Variants in IL15 observed in about 807,000 individuals in gnomAD.
The protein encoded by IL15 is interleukin-15.
In IL15, 11 loss-of-function variants were observed where a neutral mutation model predicts 19.6. The ratio of observed to expected loss-of-function variants is 0.56; its 90% CI spans 0.35 to 0.93. IL15 has a LOEUF of 0.93. Among genes scored for constraint, IL15 ranks in the 40% least tolerant of loss-of-function variants. IL15 has a pLI of 0.01. For missense variants in IL15, 197 were observed against 186.5 expected, an observed-to-expected ratio of 1.06 and a Z score of -0.33; for synonymous variants, 58 against 59.6, an observed-to-expected ratio of 0.97 and a Z score of 0.12.
At chr4:141,729,670 G>T (rs1730385182) in intron 6 of IL15, among the ~76,000 whole-genome samples, 177 bp from the exon 7 acceptor site, 1 of 151,448 alleles carries the variant, frequency 6.6e-6, no homozygotes, top group Non-Finnish European at 1.5e-5. Flanking sequence ...GGTTTGTTTT[G>T]GTTTTTATTT....
intron 2 of IL15, among the ~76,000 whole-genome samples, chr4:141,682,530 T>C (rs575094125): frequency 2.0e-5 from 3 of 152,308 alleles, no homozygotes; most frequent in Admixed American, 1.3e-4. Flanking sequence ...ATATATACAG[T>C]CACATTAAAA....
At chr4:141,724,991 T>C (rs1013505896) in intron 5 of IL15, among the ~76,000 whole-genome samples, 3 of 152,096 alleles carry the variant, frequency 2.0e-5, no homozygotes, top group African/African-American at 7.2e-5. Context: ...AAGATATTAC[T>C]AAAAAAGACA....
chr4:141,646,203 C>T (rs1727219495), intron 1 of IL15, among the ~76,000 whole-genome samples: 2 of 152,018 alleles, frequency 1.3e-5, no homozygotes, highest in Admixed American at 1.3e-4. Context: ...TGCTACTCCT[C>T]TATTCCAAAC....
intron 5 of IL15, among the ~76,000 whole-genome samples, chr4:141,725,015 C>T (rs527291228): frequency 1.3e-5 from 2 of 152,200 alleles, no homozygotes; most frequent in Admixed American, 1.3e-4. Flanking sequence ...ACAAAAATAT[C>T]TCCCATTAAC....
At chr4:141,695,038 T>A (rs1350461966) in intron 2 of IL15, among the ~76,000 whole-genome samples, 1 of 152,198 alleles carries the variant, frequency 6.6e-6, no homozygotes, top group Non-Finnish European at 1.5e-5. Flanking sequence ...CCCATGCTTG[T>A]CCACACAAAT....
At chr4:141,711,406 C>T (rs988077163) in intron 2 of IL15, among the ~76,000 whole-genome samples, 2 of 152,196 alleles carry the variant, frequency 1.3e-5, no homozygotes, top group Middle Eastern at 3.4e-3. Flanking sequence ...CAGTGACTGG[C>T]TGGGCCACCT....
At chr4:141,713,759 A>G (rs113876982) in intron 2 of IL15, among the ~76,000 whole-genome samples, 2 of 152,270 alleles carry the variant, frequency 1.3e-5, no homozygotes, top group African/African-American at 4.8e-5. Context: ...ACGTAACACT[A>G]CCTTTATGAA....
intron 5 of IL15, among the ~76,000 whole-genome samples, chr4:141,722,402 C>T (rs1250053343): frequency 6.6e-6 from 1 of 152,064 alleles, no homozygotes; most frequent in East Asian, 1.9e-4. Context: ...TGATTTTTGC[C>T]ATAGCAGGTA....
intron 2 of IL15, chr4:141,718,941 T>G (rs1410596637): frequency 6.6e-6 from 1 of 152,286 alleles, no homozygotes; most frequent in Non-Finnish European, 1.5e-5. Context: ...TAACAATGGT[T>G]TCTTTAAAAG....
At chr4:141,692,168 C>T (rs947749778) in intron 2 of IL15, among the ~76,000 whole-genome samples, 2 of 152,240 alleles carry the variant, frequency 1.3e-5, no homozygotes, top group African/African-American at 4.8e-5. Context: ...CTTTTAGCCA[C>T]AGCTGGAGCT....
intron 1 of IL15, among the ~76,000 whole-genome samples, chr4:141,639,833 G>C (rs1220365918): frequency 6.6e-6 from 1 of 152,152 alleles, no homozygotes; most frequent in Non-Finnish European, 1.5e-5. Context: ...ATAGGAATGG[G>C]TTGGATGGAA....
chr4:141,720,350 T>G (rs2857259), intron 3 of IL15, 119 bp from the exon 4 acceptor site: 2 of 613,464 alleles, frequency 3.3e-6, no homozygotes, highest in Non-Finnish European at 5.8e-6. Flanking sequence ...ATAAGGGGCA[T>G]TAATTATGAA....
chr4:141,687,865 A>G (rs926482011), intron 2 of IL15, among the ~76,000 whole-genome samples: 1 of 152,194 alleles, frequency 6.6e-6, no homozygotes, highest in African/African-American at 2.4e-5. Flanking sequence ...TTAAGATCTA[A>G]TCATATTGAG....
At chr4:141,652,988 A>G (rs983225279) in intron 1 of IL15, among the ~76,000 whole-genome samples, 1 of 152,128 alleles carries the variant, frequency 6.6e-6, no homozygotes, top group African/African-American at 2.4e-5. Flanking sequence ...ACAAATTCTC[A>G]TCTGGTATTT....
chr4:141,733,725 C>A lies in IL15; in HGVS notation c.*877C>A, dbSNP rs1730531546. 6.6e-6 allele frequency: 1 copy of A among 152,094 alleles called. No homozygotes were observed. Among genetic ancestry groups the A allele is most frequent in the Non-Finnish European group, 1.5e-5 (1 of 68,020 alleles). 9.4% of individuals were successfully genotyped at this position (152,094 alleles called of 1,614,324 possible). On this transcript the variant is annotated 3_prime_UTR_variant, in exon 8 of 8. Transcript: ENST00000320650. ...CCCAGGGAAATCAAAAGATTGGATG[C>A]CCCTGGTATAGAAAACTAATAGTGA...
chr4:141,729,029 A>G (rs2152193275), intron 6 of IL15, among the ~76,000 whole-genome samples: 1 of 152,222 alleles, frequency 6.6e-6, no homozygotes, highest in Admixed American at 6.5e-5. Flanking sequence ...AACATTTCTG[A>G]AGCTCATTTT....
Position 141,732,752 on chromosome 4 carries a change from T to C in IL15, c.393T>C (p.Ser131=). ...SLSSNGNVTE[S]GCKECEELEE... The stretch of plus-strand genomic sequence containing the variant: ...ATATTTTGCAGAATGTAACAGAATC[T>C]GGATGCAAAGAATGTGAGGAACTGG... The change falls in exon 8 of 8, where the codon TCT becomes TCC. Residue 131 remains serine (S), a synonymous_variant. Coordinates refer to ENST00000320650, the MANE Select transcript of IL15 (RefSeq NM_000585.5). 6.2e-7 allele frequency: 1 copy of C among 1,611,286 alleles called. No individual in the cohort carries two copies. Among genetic ancestry groups the C allele is most frequent in the Non-Finnish European group, 8.5e-7 (1 of 1,179,214 alleles).
At chr4:141,682,998 C>T (rs1371144280) in intron 2 of IL15, among the ~76,000 whole-genome samples, 1 of 151,882 alleles carries the variant, frequency 6.6e-6, no homozygotes, top group Non-Finnish European at 1.5e-5. Flanking sequence ...GGGCTGGGTG[C>T]GGTGGCTCAC....
chr4:141,680,085 CT>C (rs1300526459), intron 2 of IL15, among the ~76,000 whole-genome samples: 2 of 152,298 alleles, frequency 1.3e-5, no homozygotes, highest in African/African-American at 4.8e-5. Context: ...TGCAATGATG[CT>C]TTAATGCAGG....
Sources: allele counts gnomAD v4.1 joint callset (sites outside exome capture counted in the v4.1 genomes callset), GRCh38; gene constraint gnomAD v4.1.1; transcripts MANE v1.5; gene names NCBI Gene and HGNC (gene_info 2026-07-23, HGNC 2026-07-21).